Variants in ATP13A4 observed in about 807,000 individuals in gnomAD.
The protein encoded by ATP13A4 is probable cation-transporting ATPase 13A4.
Under a neutral mutation model 142.5 loss-of-function variants are expected in ATP13A4, and 114 were observed. That is an observed-to-expected ratio of 0.80 (90% CI 0.69 to 0.93). The LOEUF is 0.93. Among genes scored for constraint, ATP13A4 ranks in the 40% least tolerant of loss-of-function variants. ATP13A4 has a pLI of 0.00. For missense variants in ATP13A4, 1,392 were observed against 1,454.0 expected, an observed-to-expected ratio of 0.96 and a Z score of 0.69; for synonymous variants, 488 against 514.8, an observed-to-expected ratio of 0.95 and a Z score of 0.70.
At chr3:193,470,077 G>C (rs1718531360) in intron 9 of ATP13A4, among the ~76,000 whole-genome samples, 1 of 152,178 alleles carries the variant, frequency 6.6e-6, no homozygotes, top group Admixed American at 6.5e-5. Flanking sequence ...ATCTGAACTT[G>C]AATGGGAACC....
intron 25 of ATP13A4, among the ~76,000 whole-genome samples, chr3:193,423,479 G>C (rs1386550209): frequency 6.7e-6 from 1 of 149,490 alleles, no homozygotes; most frequent in East Asian, 2.1e-4. Flanking sequence ...ACATTAAAAA[G>C]GTAATTCACC....
chr3:193,485,492 C>G (rs1263957361), intron 7 of ATP13A4, among the ~76,000 whole-genome samples: 2 of 152,058 alleles, frequency 1.3e-5, no homozygotes, highest in African/African-American at 4.8e-5. Flanking sequence ...ACAGTGGAGA[C>G]GTCCAGAGGC....
intron 2 of ATP13A4, among the ~76,000 whole-genome samples, chr3:193,502,840 G>T (rs1720629893): frequency 6.6e-6 from 1 of 152,214 alleles, no homozygotes; most frequent in African/African-American, 2.4e-5. Context: ...GAGGAATCTG[G>T]ATATGAAGAT....
At chr3:193,463,034 T>A (rs1021360438) in intron 12 of ATP13A4, among the ~76,000 whole-genome samples, 4 of 151,604 alleles carry the variant, frequency 2.6e-5, no homozygotes, top group African/African-American at 9.7e-5. Flanking sequence ...GTAGTGCAGA[T>A]AAATAAGGTA....
intron 1 of ATP13A4, among the ~76,000 whole-genome samples, chr3:193,535,981 A>T (rs1722570961): frequency 6.6e-6 from 1 of 152,080 alleles, no homozygotes; most frequent in Non-Finnish European, 1.5e-5. Context: ...AGAAAATTGA[A>T]TTTGTACTTC....
At chr3:193,486,253 C>A (rs1423636727) in intron 7 of ATP13A4, among the ~76,000 whole-genome samples, 14 of 152,050 alleles carry the variant, frequency 9.2e-5, no homozygotes, top group Non-Finnish European at 1.5e-4. Context: ...TTAAAGTCTG[C>A]GATGAGATTT....
chr3:193,430,697 A>G (rs1046646591), intron 25 of ATP13A4, among the ~76,000 whole-genome samples: 11 of 152,122 alleles, frequency 7.2e-5, no homozygotes, highest in Admixed American at 2.0e-4. Flanking sequence ...TTGACAATGT[A>G]CTAGAGACAG....
intron 1 of ATP13A4, among the ~76,000 whole-genome samples, chr3:193,527,298 C>T (rs539059837): frequency 5.4e-4 from 82 of 152,130 alleles, no homozygotes; most frequent in African/African-American, 1.8e-3. Flanking sequence ...TGAGATCTCA[C>T]GAGATCTGAT....
At chr3:193,403,457 T>C (rs1478045850) in intron 29 of ATP13A4, among the ~76,000 whole-genome samples, 1 of 152,182 alleles carries the variant, frequency 6.6e-6, no homozygotes, top group African/African-American at 2.4e-5. Flanking sequence ...CTTCCTTATG[T>C]TTGTTGTAAG....
intron 2 of ATP13A4, among the ~76,000 whole-genome samples, chr3:193,575,210 C>T (rs1160166457): frequency 6.6e-6 from 1 of 152,166 alleles, no homozygotes; most frequent in Non-Finnish European, 1.5e-5. Flanking sequence ...TGGAAGTTTC[C>T]TTCCTGTAAA....
At chr3:193,593,112 G>A (rs1724895880), upstream of ATP13A4, 1 of 426,122 alleles carries the variant, frequency 2.3e-6, no homozygotes, top group Non-Finnish European at 4.2e-6. Flanking sequence ...CCGACGCACT[G>A]TGCGCATGCG....
At chr3:193,503,631 A>C (rs1013048895) in intron 2 of ATP13A4, among the ~76,000 whole-genome samples, 25 of 152,214 alleles carry the variant, frequency 1.6e-4, no homozygotes, top group African/African-American at 6.0e-4. Flanking sequence ...ACTCTGCAAA[A>C]GGCAGAGAGG....
intron 1 of ATP13A4, among the ~76,000 whole-genome samples, chr3:193,582,702 TATA>T (rs1724585076): frequency 1.6e-5 from 1 of 64,430 alleles, no homozygotes; most frequent in South Asian, 4.0e-4. Flanking sequence ...GTATAACATA[TATA>T]ATATATATGT....
At chr3:193,431,082 A>T (rs2108615357) in intron 25 of ATP13A4, among the ~76,000 whole-genome samples, 1 of 152,136 alleles carries the variant, frequency 6.6e-6, no homozygotes, top group South Asian at 2.1e-4. Context: ...GTGATGGGTG[A>T]AGAAACAAGA....
intron 1 of ATP13A4, among the ~76,000 whole-genome samples, chr3:193,522,132 T>G (rs1398236394): frequency 2.0e-5 from 3 of 152,146 alleles, no homozygotes; most frequent in Non-Finnish European, 4.4e-5. Context: ...ACAGATGTGT[T>G]TGGGGCTTTA....
intron 23 of ATP13A4, among the ~76,000 whole-genome samples, chr3:193,438,026 G>A (rs1229603672): frequency 3.3e-5 from 5 of 151,950 alleles, no homozygotes; most frequent in South Asian, 2.1e-4. Context: ...TAGAAACGGC[G>A]TTTCACCATG....
intron 1 of ATP13A4, among the ~76,000 whole-genome samples, chr3:193,584,591 T>C (rs769093929): frequency 3.4e-4 from 52 of 151,018 alleles, no homozygotes; most frequent in Non-Finnish European, 2.8e-4. Context: ...CTGCCTTCTG[T>C]TGGGTCCATT....
intron 10 of ATP13A4, among the ~76,000 whole-genome samples, chr3:193,466,411 A>T (rs1257054890): frequency 3.3e-5 from 5 of 152,224 alleles, no homozygotes; most frequent in Admixed American, 2.0e-4. Flanking sequence ...ATTTCAATGC[A>T]TCCTGGAGAT....
upstream of ATP13A4, chr3:193,554,924 A>T (rs1723823485): frequency 6.2e-7 from 1 of 1,603,560 alleles, no homozygotes; most frequent in African/African-American, 1.3e-5. Context: ...CCAGGTTAAA[A>T]CTCCTCCTTG....
Sources: gnomAD v4.1 joint callset for allele counts (sites outside exome capture counted in the v4.1 genomes callset) on GRCh38, gnomAD v4.1.1 for gene constraint, MANE v1.5 for transcripts, NCBI Gene and HGNC (gene_info 2026-07-23, HGNC 2026-07-21) for gene names.